The following CDH13 variants were observed in gnomAD, a reference collection of about 807,000 sequenced individuals.
The protein encoded by CDH13 is cadherin-13.
In CDH13, 24 loss-of-function variants were observed where a neutral mutation model predicts 63.8. The ratio of observed to expected loss-of-function variants is 0.38; its 90% CI spans 0.27 to 0.53. The LOEUF (loss-of-function observed/expected upper bound fraction) is 0.53, where lower values mean the gene tolerates loss of function less well. Among genes scored for constraint, CDH13 ranks in the 20% least tolerant of loss-of-function variants. The pLI is 0.85. For missense variants in CDH13, 1,049 were observed against 903.1 expected (o/e 1.16, Z -2.07); for synonymous variants, 503 against 355.3 (o/e 1.42, Z -4.67).
chr16:83,124,228 T>A (rs956626075), intron 3 of CDH13, among the ~76,000 whole-genome samples: 2 of 152,092 alleles, frequency 1.3e-5, no homozygotes, highest in Non-Finnish European at 2.9e-5. Context: ...GTGTTTTTAG[T>A]TGAGACCTGG....
chr16:83,413,569 G>A (rs2092157928), intron 6 of CDH13, among the ~76,000 whole-genome samples: 1 of 152,172 alleles, frequency 6.6e-6, no homozygotes, highest in African/African-American at 2.4e-5. Flanking sequence ...GAAAGTTACA[G>A]TCAAGATTAT....
intron 4 of CDH13, among the ~76,000 whole-genome samples, chr16:83,199,041 G>A (rs1331767487): frequency 2.6e-5 from 4 of 152,198 alleles, no homozygotes; most frequent in Non-Finnish European, 2.9e-5. Context: ...GAGAAAAGAC[G>A]AGGCAGGCTG....
chr16:83,379,314 C>G (rs1236676222), intron 6 of CDH13, among the ~76,000 whole-genome samples: 1 of 152,160 alleles, frequency 6.6e-6, no homozygotes, highest in South Asian at 2.1e-4. Context: ...GTCCTGGGTG[C>G]TGTTGACTCT....
chr16:83,623,947 C>T (rs948811448), intron 8 of CDH13, among the ~76,000 whole-genome samples: 1 of 152,182 alleles, frequency 6.6e-6, no homozygotes, highest in Non-Finnish European at 1.5e-5. Flanking sequence ...GCACTCATTT[C>T]GTTGTTAGGA....
At position 82,671,142 on chromosome 16, in the gene CDH13, G is replaced by A. The variant is rs6565057; in HGVS notation, c.45+44005G>A. On this transcript the variant is annotated intron_variant, in intron 1 of 13. Coordinates refer to ENST00000567109, the MANE Select transcript of CDH13 (RefSeq NM_001257.5). The stretch of plus-strand genomic sequence containing the variant: ...CTTTGAAAATTGAATACAAGTCTGT[G>A]CAGTGCTACAGCTAACATTCTTTAA... Among the ~76,000 whole-genome samples the A allele has an allele frequency of 2.6e-3, 389 of 152,258 alleles. 3 individuals are homozygous for A. The highest frequency in any genetic ancestry group is 0.01 in the Middle Eastern group (3 of 294).
chr16:83,772,800 G>C (rs1408659327), intron 11 of CDH13: 4 of 152,226 alleles, frequency 2.6e-5, no homozygotes, highest in Non-Finnish European at 5.9e-5. Flanking sequence ...TGCTTTCCCT[G>C]TGGCTTACCT....
chr16:83,073,162 G>A (rs886551646), intron 3 of CDH13, among the ~76,000 whole-genome samples: 2 of 152,084 alleles, frequency 1.3e-5, no homozygotes, highest in African/African-American at 2.4e-5. Flanking sequence ...AATTATCCAG[G>A]CAGGCTTGCG....
intron 3 of CDH13, among the ~76,000 whole-genome samples, chr16:83,086,366 C>G (rs534177558): frequency 2.0e-5 from 3 of 152,278 alleles, no homozygotes; most frequent in South Asian, 2.1e-4. Context: ...GTAAGGTACT[C>G]TGAGACTTAG....
intron 2 of CDH13, among the ~76,000 whole-genome samples, chr16:82,996,589 G>A (rs76756748): frequency 0.022 from 3,313 of 152,234 alleles, 46 homozygotes; most frequent in South Asian, 0.031. Flanking sequence ...CAACAAAAAC[G>A]ACCTTGTTTA....
chr16:82,805,531 C>A (rs1265586464), intron 1 of CDH13, among the ~76,000 whole-genome samples: 2 of 152,088 alleles, frequency 1.3e-5, no homozygotes, highest in Admixed American at 1.3e-4. Context: ...CTATATGGAA[C>A]TGCGGGCAGG....
chr16:82,750,467 G>A (rs1230315532), intron 1 of CDH13, among the ~76,000 whole-genome samples: 2 of 152,120 alleles, frequency 1.3e-5, no homozygotes, highest in Admixed American at 1.3e-4. Flanking sequence ...ACTCACAGAA[G>A]AGAACAATTC....
At chr16:83,272,719 G>A (rs1325702589) in intron 5 of CDH13, among the ~76,000 whole-genome samples, 3 of 152,126 alleles carry the variant, frequency 2.0e-5, no homozygotes, top group African/African-American at 7.2e-5. Context: ...AATTCATGGG[G>A]ATTGGGCTGG....
At chr16:83,115,543 G>A (rs572167811) in intron 3 of CDH13, among the ~76,000 whole-genome samples, 1 of 152,190 alleles carries the variant, frequency 6.6e-6, no homozygotes, top group Non-Finnish European at 1.5e-5. Flanking sequence ...ACATCTTTGC[G>A]TGAAGCCTGC....
rs75791960 is a variant in CDH13, at chr16:83,548,406, A to G, written c.961-54048A>G. On this transcript the variant is annotated intron_variant, in intron 7 of 13. Transcript: ENST00000567109. ...TAAGGATGTGGCTAAATATCCTACAATGCAAAGGGCAGCCCCTCCCCCAAC... is the reference window on the plus strand; with the variant it reads ...TAAGGATGTGGCTAAATATCCTACAGTGCAAAGGGCAGCCCCTCCCCCAAC... 6.3e-3 allele frequency among the ~76,000 whole-genome samples: 966 copies of G among 152,258 alleles called. 17 individuals are homozygous for G. The highest frequency in any genetic ancestry group is 0.022 in the African/African-American group (920 of 41,552).
At chr16:82,749,436 G>C (rs573165047) in intron 1 of CDH13, among the ~76,000 whole-genome samples, 3 of 152,166 alleles carry the variant, frequency 2.0e-5, no homozygotes, top group Non-Finnish European at 4.4e-5. Context: ...TGACAGGAGT[G>C]GGGCAGGAAA....
intron 8 of CDH13, among the ~76,000 whole-genome samples, chr16:83,630,316 G>T (rs1050948156): frequency 6.6e-6 from 1 of 152,154 alleles, no homozygotes; most frequent in African/African-American, 2.4e-5. Context: ...AATTTAGAAC[G>T]TTTATTTTGC....
intron 7 of CDH13, among the ~76,000 whole-genome samples, chr16:83,568,927 C>G (rs1404933652): frequency 2.6e-5 from 4 of 152,126 alleles, no homozygotes; most frequent in Admixed American, 2.0e-4. Flanking sequence ...CCACTTCCAT[C>G]CATTCTCTCA....
intron 1 of CDH13, among the ~76,000 whole-genome samples, chr16:82,753,644 T>C (rs2034505224): frequency 6.6e-6 from 1 of 152,240 alleles, no homozygotes; most frequent in African/African-American, 2.4e-5. Context: ...ACTTTGATTC[T>C]AGTGCCAAAT....
At chr16:83,418,480 T>G (rs1255278308) in intron 6 of CDH13, among the ~76,000 whole-genome samples, 2 of 152,196 alleles carry the variant, frequency 1.3e-5, no homozygotes, top group Non-Finnish European at 2.9e-5. Flanking sequence ...TCTTACATTC[T>G]CATAGGTCAG....
Sources: gnomAD v4.1 joint callset for allele counts (sites outside exome capture counted in the v4.1 genomes callset) on GRCh38, gnomAD v4.1.1 for gene constraint, MANE v1.5 for transcripts, NCBI Gene and HGNC (gene_info 2026-07-23, HGNC 2026-07-21) for gene names.